The following NLRP11 variants were observed in gnomAD, a reference collection of about 807,000 sequenced individuals.
NLRP11 encodes the protein NACHT, LRR and PYD domains-containing protein 11.
NLRP11 carries 53 observed loss-of-function variants against 79.3 expected under a neutral mutation model. The observed-to-expected ratio is 0.67, with a 90% CI of 0.54 to 0.84. The LOEUF (loss-of-function observed/expected upper bound fraction) is 0.84, where lower values mean the gene tolerates loss of function less well. Among genes scored for constraint, NLRP11 ranks in the 40% least tolerant of loss-of-function variants. The probability of loss-of-function intolerance (pLI) is 0.00; values close to 1 mark genes in which losing one functional copy is unlikely to be tolerated. For missense variants in NLRP11, 1,264 were observed against 1,255.0 expected (o/e 1.01, Z -0.11); for synonymous variants, 518 against 462.6 (o/e 1.12, Z -1.54).
intron 1 of NLRP11, among the ~76,000 whole-genome samples, chr19:55,821,244 C>A (rs1396342295): frequency 2.4e-5 from 3 of 122,876 alleles, no homozygotes; most frequent in African/African-American, 6.2e-5. Flanking sequence ...CACACACACA[C>A]ACACACCCCA....
chr19:55,792,540 C>T, intron 6 of NLRP11, 69 bp from the exon 7 acceptor site: 2 of 1,306,334 alleles, frequency 1.5e-6, no homozygotes, highest in South Asian at 1.2e-5. Context: ...AGACCACCCA[C>T]CCCACGCCCA....
chr19:55,798,352 G>C (rs923139376), intron 5 of NLRP11: 2 of 984,598 alleles, frequency 2.0e-6, no homozygotes, highest in African/African-American at 3.5e-5. Flanking sequence ...AGATTAAAAG[G>C]ACAGAGTCAC....
intron 2 of NLRP11, among the ~76,000 whole-genome samples, chr19:55,811,615 T>A (rs528838733): frequency 6.6e-6 from 1 of 152,224 alleles, no homozygotes; most frequent in Non-Finnish European, 1.5e-5. Flanking sequence ...ACCTAGCACA[T>A]CTCAACAGCC....
At chr19:55,808,849 G>A (rs1369075857) in exon 3 of NLRP11, 1 of 1,613,906 alleles carries the variant, frequency 6.2e-7, no homozygotes, top group African/African-American at 1.3e-5. Context: ...GGTGACAGCA[G>A]TAATCCAGAC....
chr19:55,809,890 G>T lies in NLRP11; in HGVS notation c.720C>A (p.Val240=). ...TGTTACTACACAAAGCACTTTCATT[G>T]ACATTTAACTCGAATCTTATGTTGT... is the stretch of plus-strand genomic sequence containing the variant. The change falls in exon 3 of 10, where the codon GTC becomes GTA. Residue 240 remains valine (V), a synonymous_variant. Transcript: ENST00000589093. The surrounding 1 kb of genome is among the most constrained non-coding windows in gnomAD (Gnocchi z 4.5). 6.2e-7 allele frequency: 1 copy of T among 1,614,072 alleles called. No homozygotes were observed. The highest frequency in any genetic ancestry group is 8.5e-7 in the Non-Finnish European group (1 of 1,179,968).
Position 55,805,093 on chromosome 19 carries a change from T to C in NLRP11, c.2003+2760A>G, listed in dbSNP as rs563208256. On this transcript the variant is annotated intron_variant, in intron 4 of 9. Transcript: ENST00000589093. ...TAATAACAAATAATTCACAATTTCA[T>C]TGAGGAAAAAGAAGTTGTCCTAGAG... Among the ~76,000 whole-genome samples the C allele has an allele frequency of 1.1e-4, 17 of 151,982 alleles. No individual in the cohort carries two copies. In the South Asian group the frequency reaches 1.9e-3, roughly 17 times the overall value.
chr19:55,830,672 T>A (rs1354195315), intron 1 of NLRP11, among the ~76,000 whole-genome samples: 4 of 151,612 alleles, frequency 2.6e-5, no homozygotes, highest in African/African-American at 9.7e-5. Flanking sequence ...GGCAAAATAC[T>A]TTTTTTACAC....
At position 55,809,325 on chromosome 19, in the gene NLRP11, C is replaced by T; in HGVS notation, c.1285G>A (p.Val429Met). The stretch of plus-strand genomic sequence containing the variant: ...AAAAGAATATTCGCGGCCTGCAACA[C>T]AGAGACATCAGCCTCAGTAAACCCA... Residue 429 changes from valine (V) to methionine (M), a missense_variant, in exon 3 of 10, where the codon GTG (valine) becomes ATG (methionine). Transcript: ENST00000589093. This position sits in a 1 kb window ranked among gnomAD's most constrained non-coding sequence, Gnocchi z 4.5. 5.6e-6 allele frequency: 9 copies of T among 1,614,138 alleles called. No individual in the cohort carries two copies. Among genetic ancestry groups the T allele is most frequent in the Non-Finnish European group, 7.6e-6 (9 of 1,180,006 alleles).
At chr19:55,822,861 T>G (rs1981911423) in intron 1 of NLRP11, among the ~76,000 whole-genome samples, 1 of 152,198 alleles carries the variant, frequency 6.6e-6, no homozygotes, top group South Asian at 2.1e-4. Flanking sequence ...TGCCCAGGCT[T>G]GATTAGGTAA....
chr19:55,827,812 TTGG>T (rs1048664679), intron 1 of NLRP11, among the ~76,000 whole-genome samples: 1,745 of 150,602 alleles, frequency 0.012, 33 homozygotes, highest in African/African-American at 0.041. Flanking sequence ...TTTTACACTG[TTGG>T]TGGGACTGTA....
intron 1 of NLRP11, among the ~76,000 whole-genome samples, chr19:55,831,507 C>A (rs550621468): frequency 5.3e-5 from 8 of 151,952 alleles, no homozygotes; most frequent in African/African-American, 1.7e-4. Flanking sequence ...GGTTGCAGTG[C>A]GCTGAGATCA....
intron 5 of NLRP11, among the ~76,000 whole-genome samples, chr19:55,797,553 G>T (rs954258118): frequency 6.6e-6 from 1 of 152,198 alleles, no homozygotes; most frequent in African/African-American, 2.4e-5. Flanking sequence ...AATGTATCAT[G>T]TGCCTAGTAG....
At chr19:55,819,144 C>G (rs770219143) in intron 1 of NLRP11, among the ~76,000 whole-genome samples, 1,470 of 89,516 alleles carry the variant, frequency 0.016, 21 homozygotes, top group Middle Eastern at 0.034. Context: ...CACACACACA[C>G]ACACACACAC....
chr19:55,834,367 A>G (rs959132401), upstream of NLRP11, among the ~76,000 whole-genome samples: 6 of 152,244 alleles, frequency 3.9e-5, no homozygotes, highest in African/African-American at 1.4e-4. Context: ...AGAGGCAACA[A>G]ATGGCTCACA....
intron 4 of NLRP11, among the ~76,000 whole-genome samples, chr19:55,804,266 T>C (rs963300029): frequency 1.3e-5 from 2 of 152,206 alleles, no homozygotes; most frequent in African/African-American, 4.8e-5. Context: ...TTACTGGGTA[T>C]ATACCCAAAG....
At chr19:55,821,406 C>T (rs541143856) in intron 1 of NLRP11, among the ~76,000 whole-genome samples, 1 of 152,298 alleles carries the variant, frequency 6.6e-6, no homozygotes, top group African/African-American at 2.4e-5. Context: ...TCCCATGTGC[C>T]TCTTTGCTTT....
chr19:55,807,503 A>G (rs1455432792), intron 4 of NLRP11, among the ~76,000 whole-genome samples: 1 of 152,108 alleles, frequency 6.6e-6, no homozygotes, highest in Admixed American at 6.5e-5. Context: ...AAGCCGTATG[A>G]AGACAAGGTA....
chr19:55,799,138 ACCCCTGTGGTC>A (rs60818962), intron 5 of NLRP11, among the ~76,000 whole-genome samples: 12,124 of 152,060 alleles, frequency 0.08, 1,057 homozygotes, highest in African/African-American at 0.22. Flanking sequence ...GTGGTGGTGT[ACCCCTGTGGTC>A]CCAGCTACTT....
intron 5 of NLRP11, among the ~76,000 whole-genome samples, chr19:55,797,546 G>A (rs910094535): frequency 6.6e-6 from 1 of 152,236 alleles, no homozygotes; most frequent in Non-Finnish European, 1.5e-5. Context: ...AGGGCTGAAT[G>A]TATCATGTGC....
Sources: gnomAD v4.1 joint callset for allele counts (sites outside exome capture counted in the v4.1 genomes callset) on GRCh38, gnomAD v4.1.1 for gene constraint, Gnocchi (gnomAD v3.1) non-coding constraint, MANE v1.5 for transcripts, NCBI Gene and HGNC (gene_info 2026-07-23, HGNC 2026-07-21) for gene names.